GABRG3: variants seen among roughly 807,000 people sequenced by gnomAD.
GABRG3 encodes gamma-aminobutyric acid type A receptor subunit gamma3.
In GABRG3, 25 loss-of-function variants were observed where a neutral mutation model predicts 48.8. The observed-to-expected ratio is 0.51, with a 90% CI of 0.37 to 0.72. The LOEUF is 0.72. Ranked by LOEUF, GABRG3 falls within the 30% of genes least tolerant of loss-of-function variation. The probability of loss-of-function intolerance (pLI) is 0.00; values close to 1 mark genes in which losing one functional copy is unlikely to be tolerated. For synonymous variants in GABRG3, 227 were observed against 217.6 expected (o/e 1.04, Z -0.38); for missense variants, 394 against 577.9 (o/e 0.68, Z 3.26).
At chr15:27,017,317 T>G (rs1895797352) in intron 2 of GABRG3, among the ~76,000 whole-genome samples, 2 of 152,260 alleles carry the variant, frequency 1.3e-5, no homozygotes, top group Admixed American at 1.3e-4. Flanking sequence ...TTGCACCAAG[T>G]TAATAATGGG....
chr15:27,048,468 A>G (rs1031772073), intron 3 of GABRG3, among the ~76,000 whole-genome samples: 9 of 152,172 alleles, frequency 5.9e-5, no homozygotes, highest in African/African-American at 1.9e-4. Context: ...CCAAAGCCCC[A>G]GGAGCTGACC....
intron 3 of GABRG3, among the ~76,000 whole-genome samples, chr15:27,109,405 A>G (rs913966295): frequency 6.6e-6 from 1 of 152,176 alleles, no homozygotes; most frequent in Non-Finnish European, 1.5e-5. Context: ...GCTTTGCTGA[A>G]TGTGTAACGC....
intron 5 of GABRG3, among the ~76,000 whole-genome samples, chr15:27,393,735 A>G (rs1008940166): frequency 6.6e-6 from 1 of 152,172 alleles, no homozygotes; most frequent in African/African-American, 2.4e-5. Context: ...ATATCTTCTT[A>G]TTAATATATG....
intron 3 of GABRG3, among the ~76,000 whole-genome samples, chr15:27,215,761 A>G (rs751636682): frequency 6.6e-6 from 1 of 152,176 alleles, no homozygotes; most frequent in Non-Finnish European, 1.5e-5. Flanking sequence ...TGCTGGATGA[A>G]TGTGGGCAGT....
intron 3 of GABRG3, among the ~76,000 whole-genome samples, chr15:27,213,818 C>T (rs1889150518): frequency 6.6e-6 from 1 of 152,216 alleles, no homozygotes; most frequent in Non-Finnish European, 1.5e-5. Flanking sequence ...CTCCACTGCT[C>T]CACATATTCA....
chr15:27,218,561 C>T (rs1001819522), intron 3 of GABRG3, among the ~76,000 whole-genome samples: 4 of 152,182 alleles, frequency 2.6e-5, no homozygotes, highest in East Asian at 3.9e-4. Context: ...CTTGTGTTTC[C>T]GTTGCTCAGC....
At chr15:27,161,035 A>T (rs1032166101) in intron 3 of GABRG3, 3 of 151,928 alleles carry the variant, frequency 2.0e-5, no homozygotes, top group Non-Finnish European at 4.4e-5. Context: ...TTGTCTCTGT[A>T]TGTCACTGAA....
chr15:27,027,147 C>T, intron 3 of GABRG3: 1 of 221,396 alleles, frequency 4.5e-6, no homozygotes, highest in African/African-American at 2.3e-5. Context: ...TAAACTGCCT[C>T]TGCTTTTTAG....
At chr15:26,998,322 C>G (rs1020046186) in intron 2 of GABRG3, among the ~76,000 whole-genome samples, 1 of 152,166 alleles carries the variant, frequency 6.6e-6, no homozygotes. Flanking sequence ...CAAATGATGC[C>G]ATCCTCCTTG....
At chr15:27,177,738 A>AGACT (rs1333529117) in intron 3 of GABRG3, among the ~76,000 whole-genome samples, 1 of 152,268 alleles carries the variant, frequency 6.6e-6, no homozygotes, top group East Asian at 1.9e-4. Context: ...ATAGCCTCAG[A>AGACT]GACTGAGTCA....
chr15:27,206,935 A>G (rs185332824), intron 3 of GABRG3, among the ~76,000 whole-genome samples: 42 of 152,160 alleles, frequency 2.8e-4, no homozygotes, highest in African/African-American at 9.9e-4. Context: ...CTTGGAGCCT[A>G]TGGGTATCAC....
At chr15:27,381,274 G>T (rs1363058571) in intron 5 of GABRG3, among the ~76,000 whole-genome samples, 1 of 152,206 alleles carries the variant, frequency 6.6e-6, no homozygotes, top group South Asian at 2.1e-4. Context: ...TTTACTTGAA[G>T]GTAGGCCTCG....
Position 27,263,202 on chromosome 15 carries a change from G to T in GABRG3, c.271-63607G>T, listed in dbSNP as rs569293409. 5.9e-5 allele frequency among the ~76,000 whole-genome samples: 9 copies of T among 152,256 alleles called. No individual in the cohort carries two copies. In the South Asian group the frequency reaches 1.2e-3, roughly 21 times the overall value. On this transcript the variant is annotated intron_variant, in intron 3 of 9. Transcript: ENST00000615808. ...AGAAATTTACCACTAGGGCTTATAC[G>T]GAGAAACAAAGGTGATTTAAATTTA... is the stretch of plus-strand genomic sequence containing the variant.
At chr15:27,221,402 CAT>C (rs1393214375) in intron 3 of GABRG3, among the ~76,000 whole-genome samples, 3 of 152,082 alleles carry the variant, frequency 2.0e-5, no homozygotes, top group Admixed American at 1.3e-4. Flanking sequence ...TTGATAACCA[CAT>C]GATTTGAAAA....
Position 27,208,262 on chromosome 15 carries a change from C to A in GABRG3, c.271-118547C>A, listed in dbSNP as rs559444544. The A allele has an allele frequency of 1.1e-3, 200 of 177,908 alleles. 2 individuals carry two copies. Among genetic ancestry groups the A allele is most frequent in the African/African-American group, 4.5e-3 (191 of 42,182 alleles). 11.0% of individuals were successfully genotyped at this position (177,908 alleles called of 1,614,324 possible). ...TAACTAGAGCTGGAGATGGCTGTAA[C>A]CTTCCCAGCACTGGACGAGCACCTG... On this transcript the variant is annotated intron_variant, in intron 3 of 9. Transcript: ENST00000615808.
At chr15:27,282,674 C>T (rs1324225465) in intron 3 of GABRG3, among the ~76,000 whole-genome samples, 2 of 152,114 alleles carry the variant, frequency 1.3e-5, no homozygotes, top group East Asian at 3.9e-4. Context: ...TACATACATG[C>T]TTTATAATTC....
chr15:27,024,957 A>G (rs985198806), intron 2 of GABRG3, among the ~76,000 whole-genome samples: 10 of 148,184 alleles, frequency 6.7e-5, no homozygotes, highest in Non-Finnish European at 1.5e-4. Context: ...ACCGGGAGGC[A>G]GAGGTTGCCG....
chr15:27,425,789 T>G (rs771403416), intron 5 of GABRG3, among the ~76,000 whole-genome samples: 1 of 152,222 alleles, frequency 6.6e-6, no homozygotes, highest in Non-Finnish European at 1.5e-5. Flanking sequence ...GTAATTGGTA[T>G]GAAGGTTTAG....
At chr15:26,999,304 G>C (rs907610549) in intron 2 of GABRG3, among the ~76,000 whole-genome samples, 11 of 152,084 alleles carry the variant, frequency 7.2e-5, no homozygotes, top group East Asian at 3.9e-4. Flanking sequence ...CAGATACCAT[G>C]TCATTTTATA....
Sources: allele counts gnomAD v4.1 joint callset (sites outside exome capture counted in the v4.1 genomes callset), GRCh38; gene constraint gnomAD v4.1.1; transcripts MANE v1.5; gene names NCBI Gene and HGNC (gene_info 2026-07-23, HGNC 2026-07-21).